LUC7L2: variants seen among roughly 807,000 people sequenced by gnomAD.
The protein encoded by LUC7L2 is putative RNA-binding protein Luc7-like 2.
LUC7L2 carries 25 observed loss-of-function variants against 52.8 expected under a neutral mutation model. The ratio of observed to expected loss-of-function variants is 0.47; its 90% CI spans 0.34 to 0.66. The LOEUF (loss-of-function observed/expected upper bound fraction) is 0.66. Among genes scored for constraint, LUC7L2 ranks in the 30% least tolerant of loss-of-function variants. The pLI is 0.01. For synonymous variants in LUC7L2, 144 were observed against 160.9 expected (o/e 0.89, Z 0.80); for missense variants, 328 against 497.8 (o/e 0.66, Z 3.25).
chr7:139,420,429 C>G (rs1393613101), intron 9 of LUC7L2, among the ~76,000 whole-genome samples: 2 of 152,154 alleles, frequency 1.3e-5, no homozygotes, highest in Non-Finnish European at 2.9e-5. Flanking sequence ...TCTCAAACTC[C>G]CGACCTCAGG....
intron 6 of LUC7L2, among the ~76,000 whole-genome samples, chr7:139,409,141 A>G (rs1277554412): frequency 6.6e-6 from 1 of 152,062 alleles, no homozygotes; most frequent in Non-Finnish European, 1.5e-5. Context: ...TCTCTAAAAA[A>G]AAAATAATAA....
At chr7:139,393,807 G>A (rs1173432527) in intron 2 of LUC7L2, among the ~76,000 whole-genome samples, 1 of 152,184 alleles carries the variant, frequency 6.6e-6, no homozygotes, top group East Asian at 1.9e-4. Flanking sequence ...ATGCTTAGTA[G>A]TCATCATGGT....
intron 7 of LUC7L2, among the ~76,000 whole-genome samples, chr7:139,410,321 G>C (rs1048385058): frequency 8.6e-5 from 13 of 150,964 alleles, no homozygotes; most frequent in African/African-American, 2.9e-4. Context: ...GATGTATTTT[G>C]TTAACAAAAG....
chr7:139,374,536 G>A, intron 1 of LUC7L2: 1 of 1,546,460 alleles, frequency 6.5e-7, no homozygotes, highest in Non-Finnish European at 8.7e-7. Flanking sequence ...GTGTTTAAAA[G>A]GAAAAAGGAC....
intron 8 of LUC7L2, chr7:139,416,218 C>G (rs1159287190): frequency 6.6e-6 from 1 of 151,264 alleles, no homozygotes; most frequent in Non-Finnish European, 1.5e-5. Flanking sequence ...CTTTGTTTCC[C>G]CTTGTTTTCT....
chr7:139,398,827 G>A, intron 3 of LUC7L2, 130 bp downstream of exon 3: 2 of 690,582 alleles, frequency 2.9e-6, no homozygotes, highest in Middle Eastern at 4.4e-4. Flanking sequence ...TAAGACTCAA[G>A]TAAGATCATG....
chr7:139,382,874 G>A (rs1801107801), intron 2 of LUC7L2, among the ~76,000 whole-genome samples: 1 of 151,790 alleles, frequency 6.6e-6, no homozygotes, highest in Non-Finnish European at 1.5e-5. Flanking sequence ...TTTAAAGCCT[G>A]ATCTAAAAAT....
chr7:139,341,357 G>T, intron 1 of LUC7L2: 1 of 1,595,002 alleles, frequency 6.3e-7, no homozygotes. Context: ...GACGCCGTTG[G>T]GCACCACGCT....
intron 1 of LUC7L2, among the ~76,000 whole-genome samples, chr7:139,361,436 A>G (rs1799876538): frequency 6.6e-6 from 1 of 152,270 alleles, no homozygotes; most frequent in East Asian, 1.9e-4. Context: ...TGAGTGCTTT[A>G]CAGCAAAATA....
intron 1 of LUC7L2, chr7:139,341,275 A>AG: frequency 2.7e-6 from 4 of 1,484,326 alleles, no homozygotes; most frequent in Non-Finnish European, 3.6e-6. Context: ...GTCAGTCGAT[A>AG]GGGGGAGTCG....
At chr7:139,341,586 A>G (rs1798968271) in intron 1 of LUC7L2, 2 of 1,574,644 alleles carry the variant, frequency 1.3e-6, no homozygotes, top group African/African-American at 2.7e-5. Context: ...GGTCTGGGCT[A>G]GGGTGGGGAG....
chr7:139,420,745 A>G (rs1322443627), intron 9 of LUC7L2, among the ~76,000 whole-genome samples: 21 of 152,062 alleles, frequency 1.4e-4, no homozygotes, highest in Non-Finnish European at 7.4e-5. Flanking sequence ...TTTTATTCCA[A>G]CAAAGGCTAT....
At chr7:139,341,283 T>G in intron 1 of LUC7L2, 2 of 1,482,308 alleles carry the variant, frequency 1.3e-6, no homozygotes, top group Non-Finnish European at 1.8e-6. Flanking sequence ...ATAGGGGGAG[T>G]CGGTAGTCTG....
intron 3 of LUC7L2, among the ~76,000 whole-genome samples, chr7:139,400,685 A>G (rs532080474): frequency 1.3e-5 from 2 of 152,256 alleles, no homozygotes; most frequent in South Asian, 4.1e-4. Flanking sequence ...ATATGGATCT[A>G]GTCTCCCCCC....
At position 139,412,804 on chromosome 7, in the gene LUC7L2, A is replaced by G. The variant is rs540304383; in HGVS notation, c.809+224A>G. On this transcript the variant is annotated intron_variant, in intron 8 of 9. Coordinates refer to ENST00000354926, the MANE Select transcript of LUC7L2 (RefSeq NM_016019.5). ...AGCACCACTGCACTCCAGCCTGGGC[A>G]ACAGAATAGGACTCTGTCTTTAAAA... 4 of 295,152 alleles carry G rather than the reference A, an allele frequency of 1.4e-5. No individual in the cohort carries two copies. The South Asian group carries it at 3.1e-4, about 23-fold the overall frequency. 18.3% of individuals were successfully genotyped at this position (295,152 alleles called of 1,614,324 possible).
chr7:139,421,186 CCTT>C lies in LUC7L2; in HGVS notation c.1002-976_1002-974del, dbSNP rs145906380. Reference sequence around the variant, plus strand: ...TTAGAACCATTTTTTGTTTAACCCTCCTTAACTATATTTCTAAAACTGAACAGT... The same window carrying C: ...TTAGAACCATTTTTTGTTTAACCCTCAACTATATTTCTAAAACTGAACAGT... On this transcript the variant is annotated intron_variant, in intron 9 of 9. Coordinates refer to ENST00000354926, the MANE Select transcript of LUC7L2 (RefSeq NM_016019.5). Among the ~76,000 whole-genome samples, 562 of 152,280 alleles carry C rather than the reference CCTT, an allele frequency of 3.7e-3. 2 individuals carry two copies. The highest frequency in any genetic ancestry group is 6.4e-3 in the Non-Finnish European group (437 of 68,020).
At chr7:139,362,719 T>C (rs1002189747) in intron 1 of LUC7L2, among the ~76,000 whole-genome samples, 7 of 151,654 alleles carry the variant, frequency 4.6e-5, no homozygotes, top group Non-Finnish European at 1.0e-4. Flanking sequence ...CCACTCTTAG[T>C]GTCCTGTCTG....
At chr7:139,392,798 A>G (rs1358581403) in intron 2 of LUC7L2, among the ~76,000 whole-genome samples, 2 of 151,966 alleles carry the variant, frequency 1.3e-5, no homozygotes, top group African/African-American at 2.4e-5. Context: ...GATTACAGGC[A>G]TGCACCACCA....
At chr7:139,419,496 A>AT (rs919421302) in intron 9 of LUC7L2, among the ~76,000 whole-genome samples, 4 of 152,330 alleles carry the variant, frequency 2.6e-5, no homozygotes, top group East Asian at 3.9e-4. Flanking sequence ...AGAAATAAGC[A>AT]TTTTTTAAAA....
Sources: allele counts gnomAD v4.1 joint callset (sites outside exome capture counted in the v4.1 genomes callset), GRCh38; gene constraint gnomAD v4.1.1; transcripts MANE v1.5; gene names NCBI Gene and HGNC (gene_info 2026-07-23, HGNC 2026-07-21).